The following TXNDC9 variants were observed in gnomAD, a reference collection of about 807,000 sequenced individuals.
The protein encoded by TXNDC9 is thioredoxin domain containing 9.
In TXNDC9, 7 loss-of-function variants were observed where a neutral mutation model predicts 23.0. That is an observed-to-expected ratio of 0.30 (90% CI 0.17 to 0.57). TXNDC9 has a LOEUF of 0.57. TXNDC9 is among the 20% of genes least tolerant of loss of function. The pLI, the probability that TXNDC9 is intolerant of heterozygous loss-of-function variation, is 0.90. For synonymous variants in TXNDC9, 72 were observed against 90.6 expected, an observed-to-expected ratio of 0.79 and a Z score of 1.17; for missense variants, 198 against 252.6, an observed-to-expected ratio of 0.78 and a Z score of 1.47.
intron 1 of TXNDC9, among the ~76,000 whole-genome samples, chr2:99,334,735 C>T (rs2094234574): frequency 6.6e-6 from 1 of 151,566 alleles, no homozygotes; most frequent in Admixed American, 6.6e-5. Flanking sequence ...TTTTTTGAGA[C>T]GGAGTCTCGC....
chr2:99,311,297 CT>C, the TXNDC9 span, among the ~76,000 whole-genome samples: 1 of 151,054 alleles, frequency 6.6e-6, no homozygotes, highest in Non-Finnish European at 1.5e-5. Context: ...CCCCTGCCTC[CT>C]TTTTTTTGAG....
chr2:99,336,205 G>C, intron 1 of TXNDC9, 34 bp downstream of exon 1: 2 of 985,294 alleles, frequency 2.0e-6, no homozygotes, highest in East Asian at 1.1e-4. Flanking sequence ...CCCGGACGTG[G>C]TGGTCGGATT....
chr2:99,323,347 C>T (rs1188845735), intron 3 of TXNDC9, among the ~76,000 whole-genome samples: 1 of 151,944 alleles, frequency 6.6e-6, no homozygotes, highest in Non-Finnish European at 1.5e-5. Context: ...GTGGAGGCTG[C>T]AGTGAGCCGA....
At chr2:99,325,876 T>G (rs974696103) in intron 3 of TXNDC9, among the ~76,000 whole-genome samples, 6 of 151,760 alleles carry the variant, frequency 4.0e-5, no homozygotes, top group Non-Finnish European at 7.4e-5. Context: ...CCGGGTGTAG[T>G]GGTGGGTGAC....
chr2:99,331,008 G>C (rs2094224247), intron 2 of TXNDC9, among the ~76,000 whole-genome samples: 1 of 152,172 alleles, frequency 6.6e-6, no homozygotes, highest in Admixed American at 6.5e-5. Flanking sequence ...GTCTGCCTTA[G>C]TTGGTTTTAA....
chr2:99,313,093 C>T, the TXNDC9 span, among the ~76,000 whole-genome samples: 10 of 152,004 alleles, frequency 6.6e-5, no homozygotes, highest in South Asian at 4.2e-4. Context: ...ACCCAGGAGG[C>T]GGAGGTTACA....
At chr2:99,306,190 T>C in the TXNDC9 span, among the ~76,000 whole-genome samples, 2 of 152,004 alleles carry the variant, frequency 1.3e-5, no homozygotes, top group African/African-American at 4.8e-5. Flanking sequence ...CCCTGCCTCA[T>C]GATTTCTTAT....
At chr2:99,311,222 C>G in the TXNDC9 span, among the ~76,000 whole-genome samples, 1 of 152,150 alleles carries the variant, frequency 6.6e-6, no homozygotes, top group Non-Finnish European at 1.5e-5. Context: ...AACTGGTCTT[C>G]TGACACAGGA....
chr2:99,314,007 G>A (rs1307366309), downstream of TXNDC9, among the ~76,000 whole-genome samples: 3 of 151,854 alleles, frequency 2.0e-5, no homozygotes, highest in South Asian at 4.1e-4. Flanking sequence ...ATTTGTTTTG[G>A]GGCCACTGAA....
At chr2:99,323,474 G>A (rs1273985197) in intron 3 of TXNDC9, among the ~76,000 whole-genome samples, 2 of 151,812 alleles carry the variant, frequency 1.3e-5, no homozygotes, top group African/African-American at 2.4e-5. Flanking sequence ...AGTGGCTCAC[G>A]CCTGTAATCC....
intron 2 of TXNDC9, among the ~76,000 whole-genome samples, chr2:99,328,725 C>T (rs530734106): frequency 3.6e-4 from 55 of 152,156 alleles, no homozygotes; most frequent in African/African-American, 1.3e-3. Flanking sequence ...CCTGTAATCC[C>T]AGCACCTTGG....
Position 99,322,011 on chromosome 2 carries a change from G to C in TXNDC9, c.507C>G (p.Asp169Glu), listed in dbSNP as rs749364122. The change falls in exon 4 of 5, where the codon GAC becomes GAG. Residue 169 changes from aspartate (D) to glutamate (E), a missense_variant. Transcript: ENST00000264255. ...VGFTDLGNTD[D>E]FTTETLEWRL... is the part of the protein sequence containing the mutation. ...TCCATTCTAAAGTTTCTGTGGTGAA[G>C]TCATCTGTATTTCCTAGGTCAGTAA... is the stretch of plus-strand genomic sequence containing the variant. 2 of 1,614,058 alleles carry C rather than the reference G, an allele frequency of 1.2e-6. No individual in the cohort carries two copies. Among genetic ancestry groups the C allele is most frequent in the Non-Finnish European group, 1.7e-6 (2 of 1,179,978 alleles).
At chr2:99,328,594 T>C (rs1243510761) in intron 2 of TXNDC9, among the ~76,000 whole-genome samples, 3 of 152,160 alleles carry the variant, frequency 2.0e-5, no homozygotes, top group African/African-American at 4.8e-5. Context: ...AGACTCAGAA[T>C]GTAAATATCC....
downstream of TXNDC9, among the ~76,000 whole-genome samples, chr2:99,318,023 T>C (rs13425302): frequency 2.0e-5 from 3 of 152,208 alleles, no homozygotes; most frequent in Non-Finnish European, 4.4e-5. Flanking sequence ...CCTGAATAGC[T>C]GGAATTACAG....
chr2:99,330,290 CAAAAAAAAAAAAAAA>C (rs528602849), intron 2 of TXNDC9, among the ~76,000 whole-genome samples: 13 of 28,162 alleles, frequency 4.6e-4, no homozygotes, highest in African/African-American at 2.0e-3. Flanking sequence ...ACTCTTATCT[CAAAAAAAAAAAAAAA>C]AAAAAAAAAA....
chr2:99,317,290 G>T (rs1024618091), downstream of TXNDC9, among the ~76,000 whole-genome samples: 8 of 152,132 alleles, frequency 5.3e-5, no homozygotes, highest in Non-Finnish European at 1.0e-4. Flanking sequence ...GTAGTTTGTT[G>T]TTGAGGACTG....
At chr2:99,320,678 T>A (rs2094199579) in intron 4 of TXNDC9, among the ~76,000 whole-genome samples, 1 of 152,198 alleles carries the variant, frequency 6.6e-6, no homozygotes, top group Non-Finnish European at 1.5e-5. Context: ...GTTTCAATAA[T>A]TGTACTGTCG....
chr2:99,331,948 T>C (rs970409782), intron 2 of TXNDC9, among the ~76,000 whole-genome samples: 28 of 152,148 alleles, frequency 1.8e-4, no homozygotes, highest in African/African-American at 5.8e-4. Flanking sequence ...CAGGCTGGTA[T>C]TGAACTCCCG....
chr2:99,319,868 T>G (rs2094197441), intron 4 of TXNDC9, 69 bp from the exon 5 acceptor site: 9 of 945,494 alleles, frequency 9.5e-6, no homozygotes, highest in Non-Finnish European at 1.4e-5. Context: ...CACAAAAATC[T>G]ATCTTTGTTT....
Sources: gnomAD v4.1 joint callset for allele counts (sites outside exome capture counted in the v4.1 genomes callset) on GRCh38, gnomAD v4.1.1 for gene constraint, MANE v1.5 for transcripts, NCBI Gene and HGNC (gene_info 2026-07-23, HGNC 2026-07-21) for gene names.